The following TLL2 variants were observed in gnomAD, a reference collection of about 807,000 sequenced individuals.
The protein encoded by TLL2 is tolloid like 2.
TLL2 carries 106 observed loss-of-function variants against 123.0 expected under a neutral mutation model. That is an observed-to-expected ratio of 0.86 (90% CI 0.74 to 1.01). The LOEUF (loss-of-function observed/expected upper bound fraction) is 1.01, where lower values mean the gene tolerates loss of function less well. Among genes scored for constraint, TLL2 ranks in the 50% least tolerant of loss-of-function variants. The pLI is 0.00. For missense variants in TLL2, 1,332 were observed against 1,336.7 expected (o/e 1.00, Z 0.06); for synonymous variants, 494 against 516.8 (o/e 0.96, Z 0.60).
chr10:96,449,336 T>C (rs1022134745), intron 2 of TLL2, among the ~76,000 whole-genome samples: 1 of 152,156 alleles, frequency 6.6e-6, no homozygotes, highest in Non-Finnish European at 1.5e-5. Context: ...AGGTGCCTGG[T>C]AGAGGCTGCT....
intron 7 of TLL2, among the ~76,000 whole-genome samples, chr10:96,419,450 A>C (rs1715089395): frequency 6.6e-6 from 1 of 151,594 alleles, no homozygotes; most frequent in African/African-American, 2.4e-5. Context: ...TATGACTAGA[A>C]CCCGGCTTCT....
At chr10:96,482,441 T>C (rs769109337) in intron 1 of TLL2, among the ~76,000 whole-genome samples, 1 of 152,176 alleles carries the variant, frequency 6.6e-6, no homozygotes, top group Non-Finnish European at 1.5e-5. Flanking sequence ...CCATCAGCTG[T>C]TGAATGGATG....
chr10:96,452,402 G>A (rs997375894), intron 2 of TLL2, among the ~76,000 whole-genome samples: 2 of 152,194 alleles, frequency 1.3e-5, no homozygotes, highest in Non-Finnish European at 2.9e-5. Context: ...TGGGGCTGGC[G>A]AGCAAGATAG....
chr10:96,406,676 C>T (rs1204969203), intron 9 of TLL2, among the ~76,000 whole-genome samples: 1 of 152,072 alleles, frequency 6.6e-6, no homozygotes, highest in African/African-American at 2.4e-5. Context: ...AGAGCTTATC[C>T]TTTCTGGTTT....
At chr10:96,509,349 AG>A (rs142954455) in intron 1 of TLL2, among the ~76,000 whole-genome samples, 1,845 of 152,336 alleles carry the variant, frequency 0.012, 43 homozygotes, top group South Asian at 0.085. Flanking sequence ...TTTCTTACAG[AG>A]GAATAGAAAC....
chr10:96,489,425 A>T (rs191112153), intron 1 of TLL2, among the ~76,000 whole-genome samples: 1 of 152,336 alleles, frequency 6.6e-6, no homozygotes, highest in East Asian at 1.9e-4. Flanking sequence ...GGTACATGGG[A>T]GGCTGAGGCA....
Position 96,370,359 on chromosome 10 carries a change from C to G in TLL2, c.2663-44G>C, listed in dbSNP as rs555726155. 14 of 1,506,184 alleles carry G rather than the reference C, an allele frequency of 9.3e-6. 1 individual carries two copies. The Admixed American group carries it at 1.9e-4, about 21-fold the overall frequency. The allele number at this position is 1,506,184 out of a possible 1,614,324, so 93.3% of individuals were successfully genotyped here. On this transcript the variant is annotated intron_variant, in intron 19 of 20. Transcript: ENST00000357947. ...AGATGTCCCCTCAGCACAAGACACCCTCGTGCCTCCCGCCTGCGTCTGCTC... is the reference window on the plus strand; with the variant it reads ...AGATGTCCCCTCAGCACAAGACACCGTCGTGCCTCCCGCCTGCGTCTGCTC...
chr10:96,442,068 A>G (rs1846855114), intron 3 of TLL2, among the ~76,000 whole-genome samples: 1 of 152,138 alleles, frequency 6.6e-6, no homozygotes, highest in African/African-American at 2.4e-5. Context: ...ACTCCATTTC[A>G]TTAATCCCAT....
rs148373077 is a variant in TLL2, at chr10:96,382,233, G to A, written c.2194+2354C>T. On this transcript the variant is annotated intron_variant, in intron 16 of 20. Coordinates refer to ENST00000357947, the MANE Select transcript of TLL2 (RefSeq NM_012465.4). ...TTTAGTAGAGACGGGGTTTCACCAC[G>A]TTGGGCAGGATGGTCTCGATCTCTT... is the stretch of plus-strand genomic sequence containing the variant. 4.2e-3 allele frequency among the ~76,000 whole-genome samples: 643 copies of A among 152,340 alleles called. 8 individuals carry two copies. Among genetic ancestry groups the A allele is most frequent in the African/African-American group, 0.014 (596 of 41,580 alleles).
At chr10:96,503,894 C>T (rs2134115669) in intron 1 of TLL2, among the ~76,000 whole-genome samples, 1 of 152,306 alleles carries the variant, frequency 6.6e-6, no homozygotes, top group Middle Eastern at 3.4e-3. Context: ...GACTGGGCAG[C>T]ATGGAGAAGC....
In TLL2 at chr10:96,366,640, C is replaced by T. The variant is rs1013722592; in HGVS notation, c.*1448G>A. On this transcript the variant is annotated 3_prime_UTR_variant, in exon 21 of 21. Coordinates refer to ENST00000357947, the MANE Select transcript of TLL2 (RefSeq NM_012465.4). ...TATAACCTTTCACCTTTTACATATACTTTGTTTAAAATGATGCTGATTCAT... is the reference window on the plus strand; with the variant it reads ...TATAACCTTTCACCTTTTACATATATTTTGTTTAAAATGATGCTGATTCAT... The T allele has an allele frequency of 2.6e-5, 4 of 152,474 alleles. No individual in the cohort carries two copies. Among genetic ancestry groups the T allele is most frequent in the Non-Finnish European group, 4.4e-5 (3 of 68,028 alleles). 9.4% of individuals were successfully genotyped at this position (152,474 alleles called of 1,614,324 possible).
intron 2 of TLL2, among the ~76,000 whole-genome samples, chr10:96,448,239 G>A (rs983097138): frequency 6.6e-5 from 10 of 152,338 alleles, no homozygotes; most frequent in Middle Eastern, 3.4e-3. Context: ...CCGGGTGTTC[G>A]CTGCCAGCTC....
intron 2 of TLL2, among the ~76,000 whole-genome samples, chr10:96,476,283 C>G (rs2134101912): frequency 8.9e-6 from 1 of 112,796 alleles, no homozygotes; most frequent in East Asian, 3.3e-4. Flanking sequence ...CGGAGTCTCA[C>G]TCTGTCACTC....
At chr10:96,403,978 A>C (rs1047995336) in intron 10 of TLL2, among the ~76,000 whole-genome samples, 1 of 152,062 alleles carries the variant, frequency 6.6e-6, no homozygotes, top group East Asian at 1.9e-4. Flanking sequence ...CCTTGAACTT[A>C]ATTATGACAT....
chr10:96,429,221 G>T lies in TLL2; in HGVS notation c.521-473C>A, dbSNP rs1846711227. ...AATTTGATAAAAGAACAGATTTTGT[G>T]TCCTCACCAGCCCCCAATGTAAGCA... On this transcript the variant is annotated intron_variant, in intron 4 of 20. Coordinates refer to ENST00000357947, the MANE Select transcript of TLL2 (RefSeq NM_012465.4). Among the ~76,000 whole-genome samples, 4 of 152,138 alleles carry T rather than the reference G, an allele frequency of 2.6e-5. No homozygotes were observed. The South Asian group carries it at 8.3e-4, about 32-fold the overall frequency.
chr10:96,460,971 A>G (rs931664782), intron 2 of TLL2, among the ~76,000 whole-genome samples: 1 of 152,184 alleles, frequency 6.6e-6, no homozygotes, highest in Non-Finnish European at 1.5e-5. Flanking sequence ...AACTGTGAGA[A>G]ATCAATTTCT....
chr10:96,432,011 G>C (rs1359517201), intron 4 of TLL2, among the ~76,000 whole-genome samples: 1 of 152,070 alleles, frequency 6.6e-6, no homozygotes, highest in Non-Finnish European at 1.5e-5. Context: ...ATGGGAGAAG[G>C]GTAGAGAGGG....
At chr10:96,445,352 TG>T in intron 3 of TLL2, among the ~76,000 whole-genome samples, 1 of 152,272 alleles carries the variant, frequency 6.6e-6, no homozygotes. Flanking sequence ...CCACAATAGA[TG>T]TGTCCAGTGA....
intron 2 of TLL2, among the ~76,000 whole-genome samples, chr10:96,459,282 G>C (rs1245848156): frequency 6.6e-6 from 1 of 152,006 alleles, no homozygotes; most frequent in Admixed American, 6.6e-5. Context: ...TCTTCAAGAA[G>C]TTTCAAAAAA....
Sources: allele counts gnomAD v4.1 joint callset (sites outside exome capture counted in the v4.1 genomes callset), GRCh38; gene constraint gnomAD v4.1.1; transcripts MANE v1.5; gene names NCBI Gene and HGNC (gene_info 2026-07-23, HGNC 2026-07-21).